Variants in MAP4K5 observed in about 807,000 individuals in gnomAD.
MAP4K5 encodes mitogen-activated protein kinase kinase kinase kinase 5.
A neutral mutation model predicts 135.6 loss-of-function variants in MAP4K5; 82 were observed. That is an observed-to-expected ratio of 0.60 (90% CI 0.51 to 0.73). The LOEUF (loss-of-function observed/expected upper bound fraction) is 0.73, where lower values mean the gene tolerates loss of function less well. Among genes scored for constraint, MAP4K5 ranks in the 30% least tolerant of loss-of-function variants. The pLI is 0.00. For missense variants in MAP4K5, 907 were observed against 1,010.9 expected (o/e 0.90, Z 1.39); for synonymous variants, 347 against 335.0 (o/e 1.04, Z -0.39).
At chr14:50,495,057 C>A (rs1193863890) in intron 3 of MAP4K5, among the ~76,000 whole-genome samples, 1 of 151,976 alleles carries the variant, frequency 6.6e-6, no homozygotes, top group Non-Finnish European at 1.5e-5. Flanking sequence ...GCACAGGCAA[C>A]AAAAAACAGA....
At position 50,419,903 on chromosome 14, in the gene MAP4K5, C is replaced by T; in HGVS notation, c.*116G>A. 1.4e-6 allele frequency: 1 copy of T among 721,046 alleles called. No homozygotes were observed. The highest frequency in any genetic ancestry group is 1.7e-5 in the South Asian group (1 of 60,428). 44.7% of individuals were successfully genotyped at this position (721,046 alleles called of 1,614,324 possible). The stretch of plus-strand genomic sequence containing the variant: ...TCTACCCTAAAGTACAGATCATTTG[C>T]AATATAACCCATAATAGTTAAAGCA... On this transcript the variant is annotated 3_prime_UTR_variant, in exon 33 of 33. Transcript: ENST00000682126.
chr14:50,461,360 A>G (rs2036707292), intron 13 of MAP4K5, among the ~76,000 whole-genome samples: 2 of 152,094 alleles, frequency 1.3e-5, no homozygotes. Context: ...AATAATTTAA[A>G]GCTGAAAAAC....
At chr14:50,463,363 A>G (rs1398748623) in intron 12 of MAP4K5, among the ~76,000 whole-genome samples, 1 of 152,206 alleles carries the variant, frequency 6.6e-6, no homozygotes, top group Non-Finnish European at 1.5e-5. Flanking sequence ...AGCTGACAGC[A>G]ACATTTTAAA....
Position 50,420,529 on chromosome 14 carries a change from C to T in MAP4K5, c.2454-423G>A, listed in dbSNP as rs563754245. On this transcript the variant is annotated intron_variant, in intron 32 of 32. Transcript: ENST00000682126. ...CACCTGTAGTCCCAGCTACTCAGGA[C>T]GCTGAGGCAGGAGGATCCCTTGAGC... Among the ~76,000 whole-genome samples the T allele has an allele frequency of 5.3e-5, 8 of 151,922 alleles. No individual in the cohort carries two copies. In the South Asian group the frequency reaches 1.0e-3, roughly 20 times the overall value.
intron 3 of MAP4K5, among the ~76,000 whole-genome samples, chr14:50,499,090 T>C (rs2037652769): frequency 6.6e-6 from 1 of 151,492 alleles, no homozygotes; most frequent in African/African-American, 2.4e-5. Context: ...TTACTGACAA[T>C]GCTAAAAGTC....
Position 50,432,424 on chromosome 14 carries a change from G to A in MAP4K5, c.2164+1970C>T, listed in dbSNP as rs140743027. 4.7e-3 allele frequency among the ~76,000 whole-genome samples: 709 copies of A among 152,108 alleles called. 8 individuals carry two copies. Among genetic ancestry groups the A allele is most frequent in the African/African-American group, 0.016 (678 of 41,470 alleles). On this transcript the variant is annotated intron_variant, in intron 28 of 32. Transcript: ENST00000682126. ...CTTTACTCCCTCAGGAAGTAATCTG[G>A]GTCTTTAAACAGCCTTGACCCCAGG...
In MAP4K5 at chr14:50,445,140, T is replaced by A; in HGVS notation, c.1240A>T (p.Thr414Ser). Reference protein sequence around the residue: ...DNFPDEEKASTIKHCPDSESR... With the variant: ...DNFPDEEKASSIKHCPDSESR... ...TCTGAATCAGGACAATGTTTTATGG[T>A]TGATGCTTTTTCTTCATCCGGAAAG... is the stretch of plus-strand genomic sequence containing the variant. The change falls in exon 18 of 33, where the codon ACC becomes TCC. Residue 414 changes from threonine to serine, a missense_variant. Around this residue, in one of 3 missense-constraint regions of MAP4K5, gnomAD observed 690 missense variants for 777.4 expected, o/e 0.89. Coordinates refer to ENST00000682126, the MANE Select transcript of MAP4K5 (RefSeq NM_006575.6). The A allele has an allele frequency of 6.2e-7, 1 of 1,613,654 alleles. No homozygotes were observed. Among genetic ancestry groups the A allele is most frequent in the South Asian group, 1.1e-5 (1 of 91,062 alleles).
At chr14:50,499,281 C>T (rs2037657930) in intron 3 of MAP4K5, among the ~76,000 whole-genome samples, 1 of 152,040 alleles carries the variant, frequency 6.6e-6, no homozygotes, top group Admixed American at 6.6e-5. Context: ...AGAAAGAATG[C>T]TGGTAGAGTT....
intron 2 of MAP4K5, among the ~76,000 whole-genome samples, chr14:50,509,849 A>G (rs2037894971): frequency 6.6e-6 from 1 of 152,206 alleles, no homozygotes; most frequent in African/African-American, 2.4e-5. Context: ...CTGGACTCCT[A>G]TAGAAAACAG....
intron 3 of MAP4K5, among the ~76,000 whole-genome samples, chr14:50,489,199 T>C (rs905687243): frequency 5.3e-5 from 8 of 152,082 alleles, no homozygotes; most frequent in Non-Finnish European, 8.8e-5. Flanking sequence ...TCCAAAATAA[T>C]AAGCTAGGCA....
At chr14:50,555,774 C>G (rs370287835) in intron 1 of MAP4K5, among the ~76,000 whole-genome samples, 2 of 152,210 alleles carry the variant, frequency 1.3e-5, no homozygotes, top group Non-Finnish European at 2.9e-5. Context: ...ACCAGTCTAT[C>G]TTTAAACAAA....
At chr14:50,497,736 CTATT>C (rs2037624022) in intron 3 of MAP4K5, among the ~76,000 whole-genome samples, 2 of 152,192 alleles carry the variant, frequency 1.3e-5, no homozygotes, top group South Asian at 4.2e-4. Flanking sequence ...TTAAAGATTC[CTATT>C]TATTTCAAAA....
At chr14:50,526,588 G>A (rs1041201737) in intron 2 of MAP4K5, among the ~76,000 whole-genome samples, 1 of 152,156 alleles carries the variant, frequency 6.6e-6, no homozygotes, top group Non-Finnish European at 1.5e-5. Context: ...GAGCCACTGC[G>A]CCTGGCCACG....
At chr14:50,494,754 G>A (rs542032759) in intron 3 of MAP4K5, among the ~76,000 whole-genome samples, 22 of 152,162 alleles carry the variant, frequency 1.4e-4, no homozygotes, top group African/African-American at 5.3e-4. Context: ...GAATAGAACC[G>A]ACAGCCCAGA....
chr14:50,489,861 T>C lies in MAP4K5; in HGVS notation c.167-3667A>G, dbSNP rs1024028274. Among the ~76,000 whole-genome samples the C allele has an allele frequency of 8.5e-5, 13 of 152,194 alleles. 1 individual carries two copies. The highest frequency in any genetic ancestry group is 7.3e-5 in the Non-Finnish European group (5 of 68,032). ...TAGAACAAGAGGCCATGAATGACTA[T>C]GGCTAAGATTCCTAGAGATGTCCTA... On this transcript the variant is annotated intron_variant, in intron 3 of 32. Coordinates refer to ENST00000682126, the MANE Select transcript of MAP4K5 (RefSeq NM_006575.6).
chr14:50,442,345 T>C (rs2036248467), intron 21 of MAP4K5, among the ~76,000 whole-genome samples: 1 of 152,030 alleles, frequency 6.6e-6, no homozygotes, highest in African/African-American at 2.4e-5. Context: ...TACTTTGAAA[T>C]ATTTGTGTAC....
intron 30 of MAP4K5, 41 bp downstream of exon 30, chr14:50,428,621 T>C (rs1450854429): frequency 1.3e-5 from 14 of 1,076,100 alleles, no homozygotes; most frequent in Non-Finnish European, 1.9e-5. Context: ...TTAATAATCA[T>C]TAAGTATCGC....
At chr14:50,560,826 G>A (rs1471853959) in intron 1 of MAP4K5, among the ~76,000 whole-genome samples, 5 of 152,190 alleles carry the variant, frequency 3.3e-5, no homozygotes, top group Admixed American at 3.3e-4. Context: ...GGAGCGCGCC[G>A]GGTCCCGGAC....
At chr14:50,491,324 CTT>C (rs869302168) in intron 3 of MAP4K5, among the ~76,000 whole-genome samples, 23 of 139,828 alleles carry the variant, frequency 1.6e-4, no homozygotes, top group South Asian at 2.3e-4. Context: ...TATTATCTCT[CTT>C]TTTTTTTTTT....
Sources: gnomAD v4.1 joint callset for allele counts (sites outside exome capture counted in the v4.1 genomes callset) on GRCh38, gnomAD v4.1.1 for gene constraint, gnomAD v4.1.1 regional missense constraint, MANE v1.5 for transcripts, NCBI Gene and HGNC (gene_info 2026-07-23, HGNC 2026-07-21) for gene names.